The following KLF12 variants were observed in gnomAD, a reference collection of about 807,000 sequenced individuals.
The protein encoded by KLF12 is KLF transcription factor 12.
KLF12 carries 9 observed loss-of-function variants against 37.8 expected under a neutral mutation model. The observed-to-expected ratio is 0.24, with a 90% CI of 0.14 to 0.42. The LOEUF is 0.42. Ranked by LOEUF, KLF12 falls within the 10% of genes least tolerant of loss-of-function variation. The pLI, the probability that KLF12 is intolerant of heterozygous loss-of-function variation, is 1.00. For synonymous variants in KLF12, 208 were observed against 202.1 expected, an observed-to-expected ratio of 1.03 and a Z score of -0.25; for missense variants, 411 against 516.0, an observed-to-expected ratio of 0.80 and a Z score of 1.97.
chr13:73,742,186 T>C (rs528514652), intron 6 of KLF12, among the ~76,000 whole-genome samples: 41 of 152,198 alleles, frequency 2.7e-4, no homozygotes, highest in Non-Finnish European at 5.3e-4. Flanking sequence ...GCAGCGCTTA[T>C]TTACATTTTA....
the KLF12 span, among the ~76,000 whole-genome samples, chr13:74,151,507 G>C: frequency 6.6e-6 from 1 of 152,056 alleles, no homozygotes; most frequent in South Asian, 2.1e-4. Context: ...ACAAAAATTA[G>C]CTGGGTGTGG....
chr13:74,064,364 T>C (rs1269009459), intron 1 of KLF12, among the ~76,000 whole-genome samples: 23 of 152,038 alleles, frequency 1.5e-4, no homozygotes, highest in Admixed American at 1.5e-3. Flanking sequence ...TATGATTTTC[T>C]ACAGGCATGA....
chr13:73,708,100 C>G (rs1011819351), intron 7 of KLF12, among the ~76,000 whole-genome samples: 13 of 152,082 alleles, frequency 8.5e-5, no homozygotes, highest in African/African-American at 3.1e-4. Flanking sequence ...GAAGATCATA[C>G]TCTGGAAACC....
intron 4 of KLF12, among the ~76,000 whole-genome samples, chr13:73,825,694 T>C (rs1042243463): frequency 6.6e-6 from 1 of 150,768 alleles, no homozygotes; most frequent in Non-Finnish European, 1.5e-5. Context: ...TTTTGTAATA[T>C]AAGGAAAACA....
intron 1 of KLF12, among the ~76,000 whole-genome samples, chr13:74,100,671 T>C (rs1403261313): frequency 2.6e-5 from 4 of 151,552 alleles, no homozygotes; most frequent in Admixed American, 2.6e-4. Context: ...AATATATGTA[T>C]ATAAACATAG....
chr13:73,921,260 C>T (rs1201038273), intron 3 of KLF12, among the ~76,000 whole-genome samples: 2 of 152,112 alleles, frequency 1.3e-5, no homozygotes, highest in African/African-American at 2.4e-5. Context: ...TCAACTTGTA[C>T]ACTTTTTCTC....
chr13:74,189,637 A>G, the KLF12 span, among the ~76,000 whole-genome samples: 3 of 152,096 alleles, frequency 2.0e-5, no homozygotes, highest in African/African-American at 4.8e-5. Flanking sequence ...CTTTCACCTC[A>G]CTCTCCAACC....
chr13:74,207,225 A>G, the KLF12 span, among the ~76,000 whole-genome samples: 1 of 152,200 alleles, frequency 6.6e-6, no homozygotes, highest in Non-Finnish European at 1.5e-5. Flanking sequence ...CTCATGGCCT[A>G]ATGTCCTCTT....
At chr13:74,238,205 T>G in the KLF12 span, among the ~76,000 whole-genome samples, 1 of 131,144 alleles carries the variant, frequency 7.6e-6, no homozygotes, top group Non-Finnish European at 1.5e-5. Context: ...AATCATGTGG[T>G]TTTTGTCTTT....
chr13:74,193,641 G>A, the KLF12 span, among the ~76,000 whole-genome samples: 1 of 152,090 alleles, frequency 6.6e-6, no homozygotes. Flanking sequence ...TCCACATGCA[G>A]CAAGAACACT....
intron 4 of KLF12, among the ~76,000 whole-genome samples, chr13:73,841,776 T>C (rs1262733092): frequency 6.6e-6 from 1 of 152,156 alleles, no homozygotes; most frequent in Non-Finnish European, 1.5e-5. Flanking sequence ...CCTCTCTATG[T>C]GGGAACCCCG....
chr13:73,845,105 A>G (rs1416990214), intron 4 of KLF12: 2 of 152,204 alleles, frequency 1.3e-5, no homozygotes, highest in Admixed American at 1.3e-4. Flanking sequence ...TTAATGAAAT[A>G]ACTAGTGATG....
At chr13:73,722,011 A>G (rs1359371808) in intron 6 of KLF12, among the ~76,000 whole-genome samples, 6 of 152,308 alleles carry the variant, frequency 3.9e-5, no homozygotes, top group Admixed American at 3.3e-4. Flanking sequence ...AATTGTACCA[A>G]AAAGAATTGA....
chr13:73,904,964 A>AT (rs1466136349), intron 3 of KLF12, among the ~76,000 whole-genome samples: 1 of 151,990 alleles, frequency 6.6e-6, no homozygotes, highest in Non-Finnish European at 1.5e-5. Context: ...AAGCAAAAAA[A>AT]AAAAAAATCA....
At chr13:73,956,844 G>A (rs1211972724) in intron 2 of KLF12, among the ~76,000 whole-genome samples, 1 of 151,832 alleles carries the variant, frequency 6.6e-6, no homozygotes, top group East Asian at 1.9e-4. Flanking sequence ...ATGATCACTT[G>A]AGCCTGGGAG....
At chr13:73,994,920 A>G in intron 2 of KLF12, 70 bp downstream of exon 2, 1 of 1,046,846 alleles carries the variant, frequency 9.6e-7, no homozygotes, top group Non-Finnish European at 1.5e-6. Flanking sequence ...TCTAATGAGA[A>G]TAAACTGCCC....
chr13:74,034,325 T>A (rs1238391945), intron 1 of KLF12, among the ~76,000 whole-genome samples: 1 of 152,184 alleles, frequency 6.6e-6, no homozygotes, highest in Non-Finnish European at 1.5e-5. Flanking sequence ...TGCCTTGGCC[T>A]CCCAAAGTGC....
At chr13:73,843,238 T>G (rs1290468920) in intron 4 of KLF12, among the ~76,000 whole-genome samples, 2 of 152,120 alleles carry the variant, frequency 1.3e-5, no homozygotes, top group Admixed American at 1.3e-4. Context: ...TGGTATTTTT[T>G]GGGAGAGATA....
rs149810759 is a variant in KLF12, at chr13:73,691,774, T to C, written c.*3716A>G. On this transcript the variant is annotated 3_prime_UTR_variant, in exon 8 of 8. Coordinates refer to ENST00000377669, the MANE Select transcript of KLF12 (RefSeq NM_007249.5). Reference sequence around the variant, plus strand: ...TGCATCTTTATCCATATAAATGTTATCATTCTAATGAACTGATTCCAAAGT... The same window carrying C: ...TGCATCTTTATCCATATAAATGTTACCATTCTAATGAACTGATTCCAAAGT... The C allele has an allele frequency of 8.5e-5, 13 of 152,760 alleles. No individual in the cohort carries two copies. The allele number at this position is 152,760 out of a possible 1,614,324, so 9.5% of individuals were successfully genotyped here. A position where few individuals can be genotyped will look rare whatever the true frequency, so the allele number is the denominator to read the frequency against.
Sources: allele counts gnomAD v4.1 joint callset (sites outside exome capture counted in the v4.1 genomes callset), GRCh38; gene constraint gnomAD v4.1.1; transcripts MANE v1.5; gene names NCBI Gene and HGNC (gene_info 2026-07-23, HGNC 2026-07-21).